The following LCNL1 variants were observed in gnomAD, a reference collection of about 807,000 sequenced individuals.
The protein encoded by LCNL1 is lipocalin like 1.
A neutral mutation model predicts 7.9 loss-of-function variants in LCNL1; 11 were observed. The observed-to-expected ratio is 1.40, with a 90% CI of 0.88 to 2.32. The LOEUF is 2.32. LCNL1 is among the 30% of genes most tolerant of loss of function. The pLI is 0.00. For synonymous variants in LCNL1, 90 were observed against 92.5 expected, an observed-to-expected ratio of 0.97 and a Z score of 0.15; for missense variants, 218 against 217.0, an observed-to-expected ratio of 1.00 and a Z score of -0.03.
At chr9:136,984,645 G>A (rs554591081) in intron 2 of LCNL1, 68 bp from the exon 3 acceptor site, 16 of 1,509,358 alleles carry the variant, frequency 1.1e-5, no homozygotes, top group African/African-American at 2.8e-5. Context: ...TGGGGCCGGG[G>A]CGTGAGGGGT....
At chr9:136,984,393 A>T (rs940142448) in intron 1 of LCNL1, 97 bp from the exon 2 acceptor site, 1 of 1,151,790 alleles carries the variant, frequency 8.7e-7, no homozygotes, top group Non-Finnish European at 1.2e-6. Context: ...TGTGAGGGTG[A>T]ACAGGGGACC....
At chr9:136,984,426 A>G in intron 1 of LCNL1, 64 bp from the exon 2 acceptor site, 1 of 1,402,118 alleles carries the variant, frequency 7.1e-7, no homozygotes, top group Non-Finnish European at 9.5e-7. Context: ...ACAGCAAGGT[A>G]GGCTCTAGGC....
In LCNL1 at chr9:136,983,050, TTCC is replaced by T. The variant is rs982522317; in HGVS notation, c.-531_-529del. On this transcript the variant is annotated 5_prime_UTR_variant, in exon 1 of 3. Transcript: ENST00000408973. ...GCCAGCCAGGTGTGCCCAGCCCTGT[TTCC>T]TCCTCATCTCCAATGAGTCCTCCCG... The T allele has an allele frequency of 6.3e-6, 1 of 159,822 alleles. No individual in the cohort carries two copies. Among genetic ancestry groups the T allele is most frequent in the Non-Finnish European group, 1.4e-5 (1 of 71,530 alleles). The allele number at this position is 159,822 out of a possible 1,614,324, so 9.9% of individuals were successfully genotyped here.
intron 1 of LCNL1, 83 bp from the exon 2 acceptor site, chr9:136,984,407 G>A: frequency 7.7e-7 from 1 of 1,296,076 alleles, no homozygotes. Flanking sequence ...GGGGACCCTG[G>A]GCTCAGAGAC....
rs773309566 is a variant in LCNL1, at chr9:136,984,792, G to A, written c.276G>A (p.Gly92=). The change falls in exon 3 of 3, where the codon GGG becomes GGA. Residue 92 remains glycine (G), a synonymous_variant. Transcript: ENST00000408973. ...FALLYLEMRK[G]GLRNQWLQLY... ...TGCTGTACTTGGAGATGCGGAAAGG[G>A]GGCCTGCGGAACCAGTGGCTGCAGC... 5.7e-6 allele frequency: 9 copies of A among 1,577,770 alleles called. No homozygotes were observed. Among genetic ancestry groups the A allele is most frequent in the Non-Finnish European group, 7.8e-6 (9 of 1,159,620 alleles).
chr9:136,984,461 C>T (rs751977798), intron 1 of LCNL1, 29 bp from the exon 2 acceptor site: 21 of 1,531,732 alleles, frequency 1.4e-5, no homozygotes, highest in Non-Finnish European at 1.8e-5. Context: ...GGGGTGGCCA[C>T]TCAGGGGATT....
In LCNL1 at chr9:136,985,038, C is replaced by G. The variant is rs977764280; in HGVS notation, c.*27C>G. The stretch of plus-strand genomic sequence containing the variant: ...TTACCCGCCCTCCCCACCTTCAGCT[C>G]GAGCGCCCGAGCTGTTTCCCGAAGG... On this transcript the variant is annotated 3_prime_UTR_variant, in exon 3 of 3. Coordinates refer to ENST00000408973, the MANE Select transcript of LCNL1 (RefSeq NM_207510.4). 3 of 1,439,492 alleles carry G rather than the reference C, an allele frequency of 2.1e-6. No homozygotes were observed. The highest frequency in any genetic ancestry group is 1.4e-5 in the South Asian group (1 of 69,998). 89.2% of individuals were successfully genotyped at this position (1,439,492 alleles called of 1,614,324 possible).
Position 136,985,154 on chromosome 9 carries a change from G to A in LCNL1, c.*143G>A. 1.2e-6 allele frequency: 1 copy of A among 845,628 alleles called. No homozygotes were observed. Among genetic ancestry groups the A allele is most frequent in the Non-Finnish European group, 1.8e-6 (1 of 558,510 alleles). 52.4% of individuals were successfully genotyped at this position (845,628 alleles called of 1,614,324 possible). A position where few individuals can be genotyped will look rare whatever the true frequency, so the allele number is the denominator to read the frequency against. ...CGAAGTCGGGTGAGCGGTGCCGGCAGCCCTGCTGGGAGGGCCAGGCCCCGG... is the reference window on the plus strand; with the variant it reads ...CGAAGTCGGGTGAGCGGTGCCGGCAACCCTGCTGGGAGGGCCAGGCCCCGG... On this transcript the variant is annotated 3_prime_UTR_variant, in exon 3 of 3. Coordinates refer to ENST00000408973, the MANE Select transcript of LCNL1 (RefSeq NM_207510.4).
At position 136,984,954 on chromosome 9, in the gene LCNL1, C is replaced by G. The variant is rs1402506696; in HGVS notation, c.438C>G (p.Val146=). 3 of 1,543,426 alleles carry G rather than the reference C, an allele frequency of 1.9e-6. No individual in the cohort carries two copies. Among genetic ancestry groups the G allele is most frequent in the South Asian group, 2.4e-5 (2 of 84,044 alleles). ...TAGSWCLWPR[V]PAPPCPSLPL... is the part of the protein sequence containing the mutation. ...GCTCCTGGTGTCTGTGGCCGCGGGTCCCGGCCCCTCCCTGCCCCTCTCTCC... is the reference window on the plus strand; with the variant it reads ...GCTCCTGGTGTCTGTGGCCGCGGGTGCCGGCCCCTCCCTGCCCCTCTCTCC... Residue 146 remains valine (V), a synonymous_variant, in exon 3 of 3, where the codon GTC becomes GTG. Transcript: ENST00000408973.
Position 136,984,550 on chromosome 9 carries a change from G to A in LCNL1, c.183G>A (p.Gln61=). ...TTFTEGAVPG[Q]FSNPAMALSD... is the part of the protein sequence containing the mutation. ...TCACCGAGGGTGCTGTACCGGGGCA[G>A]TTCAGCAACCCAGGTGAGGTGGGGC... The change falls in exon 2 of 3, where the codon CAG becomes CAA. Residue 61 remains glutamine (Q), a synonymous_variant. Coordinates refer to ENST00000408973, the MANE Select transcript of LCNL1 (RefSeq NM_207510.4). The A allele has an allele frequency of 6.4e-7, 1 of 1,573,766 alleles. No individual in the cohort carries two copies. The highest frequency in any genetic ancestry group is 8.6e-7 in the Non-Finnish European group (1 of 1,159,392).
chr9:136,983,668 T>C lies in LCNL1; in HGVS notation c.82T>C (p.Leu28=). 6.2e-7 allele frequency: 1 copy of C among 1,614,000 alleles called. No individual in the cohort carries two copies. The change falls in exon 1 of 3, where the codon TTG becomes CTG. Residue 28 remains leucine, a synonymous_variant. Coordinates refer to ENST00000408973, the MANE Select transcript of LCNL1 (RefSeq NM_207510.4). ...MKMAVVLVTP[L]GNGDLALKFG... The stretch of plus-strand genomic sequence containing the variant: ...GATGGCTGTGGTCTTAGTGACCCCC[T>C]TGGGGAATGGTGACCTGGCCCTCAA...
intron 2 of LCNL1, 37 bp from the exon 3 acceptor site, chr9:136,984,676 G>A (rs1251099444): frequency 1.3e-6 from 2 of 1,515,118 alleles, no homozygotes; most frequent in Admixed American, 2.1e-5. Flanking sequence ...GGGGGGAGGT[G>A]CCCTGGGCCT....
intron 1 of LCNL1, 184 bp from the exon 2 acceptor site, chr9:136,984,306 A>C: frequency 1.8e-6 from 1 of 547,602 alleles, no homozygotes; most frequent in Non-Finnish European, 3.2e-6. Flanking sequence ...GTGAACAGGT[A>C]CTTAATACCC....
intron 1 of LCNL1, 93 bp from the exon 2 acceptor site, chr9:136,984,397 G>C (rs1403572008): frequency 8.4e-6 from 10 of 1,190,774 alleles, no homozygotes; most frequent in East Asian, 5.7e-5. Flanking sequence ...AGGGTGAACA[G>C]GGGACCCTGG....
In LCNL1 at chr9:136,984,878, C is replaced by T. The variant is rs1830482089; in HGVS notation, c.362C>T (p.Ser121Leu). ...CACCCCCGCTTCGGGTCTGGGATGT[C>T]ACCCCTGTGCCTGCACCAGCCCTTT... is the stretch of plus-strand genomic sequence containing the variant. ...PRHPRFGSGMSPLCLHQPFLH... is the reference protein window; with the variant it reads ...PRHPRFGSGMLPLCLHQPFLH... The change falls in exon 3 of 3, where the codon TCA becomes TTA. Residue 121 changes from serine to leucine, a missense_variant. Physicochemically the swap from Ser to Leu is moderately radical, Grantham distance 145 (BLOSUM62 -2). Transcript: ENST00000408973. 1 of 1,558,942 alleles carries T rather than the reference C, an allele frequency of 6.4e-7. No homozygotes were observed. Among genetic ancestry groups the T allele is most frequent in the Non-Finnish European group, 8.7e-7 (1 of 1,151,392 alleles).
chr9:136,984,799 C>T lies in LCNL1; in HGVS notation c.283C>T (p.Arg95Trp), dbSNP rs771139289. 11 of 1,577,278 alleles carry T rather than the reference C, an allele frequency of 7.0e-6. No homozygotes were observed. The highest frequency in any genetic ancestry group is 4.0e-5 in the African/African-American group (3 of 74,162). Residue 95 changes from arginine (R) to tryptophan (W), a missense_variant, in exon 3 of 3, where the codon CGG becomes TGG. Coordinates refer to ENST00000408973, the MANE Select transcript of LCNL1 (RefSeq NM_207510.4). ...LYLEMRKGGLRNQWLQLYGGR... is the reference protein window; with the variant it reads ...LYLEMRKGGLWNQWLQLYGGR... ...CTTGGAGATGCGGAAAGGGGGCCTGCGGAACCAGTGGCTGCAGCTCTACGG... is the reference window on the plus strand; with the variant it reads ...CTTGGAGATGCGGAAAGGGGGCCTGTGGAACCAGTGGCTGCAGCTCTACGG...
In LCNL1 at chr9:136,985,289, G is replaced by C. The variant is rs1333612300; in HGVS notation, c.*278G>C. The C allele has an allele frequency of 2.3e-6, 1 of 427,088 alleles. No individual in the cohort carries two copies. Among genetic ancestry groups the C allele is most frequent in the Non-Finnish European group, 4.1e-6 (1 of 240,994 alleles). 26.5% of individuals were successfully genotyped at this position (427,088 alleles called of 1,614,324 possible). A position where few individuals can be genotyped will look rare whatever the true frequency, so the allele number is the denominator to read the frequency against. On this transcript the variant is annotated 3_prime_UTR_variant, in exon 3 of 3. Coordinates refer to ENST00000408973, the MANE Select transcript of LCNL1 (RefSeq NM_207510.4). ...TGTCTGGGTCGGGGGAGGGCGAGAC[G>C]TTGCCCAGGCCGGTGTTCCCAGGAG...
chr9:136,983,381 G>A lies in LCNL1; in HGVS notation c.-206G>A, dbSNP rs1024453855. The A allele has an allele frequency of 6.8e-5, 39 of 574,144 alleles. No homozygotes were observed. The highest frequency in any genetic ancestry group is 2.3e-4 in the Admixed American group (8 of 34,070). 35.6% of individuals were successfully genotyped at this position (574,144 alleles called of 1,614,324 possible). On this transcript the variant is annotated 5_prime_UTR_variant, in exon 1 of 3. Coordinates refer to ENST00000408973, the MANE Select transcript of LCNL1 (RefSeq NM_207510.4). ...CCTGGGTGCCAGCTGCAGACAGGCC[G>A]GTGCTGGGCTGGTGGGGGCCAGTTG...
chr9:136,984,012 CTG>C (rs779908114), intron 1 of LCNL1: 142 of 443,594 alleles, frequency 3.2e-4, no homozygotes, highest in Middle Eastern at 6.1e-4. Context: ...GTGTGTGTGT[CTG>C]TGTGTGCGTG....
Sources: allele counts gnomAD v4.1 joint callset, GRCh38; gene constraint gnomAD v4.1.1; transcripts MANE v1.5; gene names NCBI Gene and HGNC (gene_info 2026-07-23, HGNC 2026-07-21).